Variants in PGLYRP3 observed in about 807,000 individuals in gnomAD.
PGLYRP3 encodes the protein peptidoglycan recognition protein I alpha.
In PGLYRP3, 39 loss-of-function variants were observed where a neutral mutation model predicts 36.0. That is an observed-to-expected ratio of 1.08 (90% CI 0.84 to 1.41). The LOEUF (loss-of-function observed/expected upper bound fraction) is 1.41. Among genes scored for constraint, PGLYRP3 ranks in the 40% most tolerant of loss-of-function variants. The probability of loss-of-function intolerance (pLI) is 0.00; values close to 1 mark genes in which losing one functional copy is unlikely to be tolerated. For missense variants in PGLYRP3, 407 were observed against 427.9 expected (o/e 0.95, Z 0.43); for synonymous variants, 204 against 172.8 (o/e 1.18, Z -1.42).
chr1:153,304,852 G>A lies in PGLYRP3; in HGVS notation c.376+95C>T, dbSNP rs549025203. ...GGTGATCATCAGAGAAGGTAAGTAT[G>A]ATGTAGGGTAAAAAGATGAGTGTTG... On this transcript the variant is annotated intron_variant, in intron 4 of 7. Transcript: ENST00000683862. 3 of 879,288 alleles carry A rather than the reference G, an allele frequency of 3.4e-6. No individual in the cohort carries two copies. The South Asian group carries it at 5.5e-5, about 16-fold the overall frequency. The allele number at this position is 879,288 out of a possible 1,614,324, so 54.5% of individuals were successfully genotyped here.
chr1:153,298,961 G>C, intron 7 of PGLYRP3, 152 bp downstream of exon 7: 1 of 646,884 alleles, frequency 1.5e-6, no homozygotes. Context: ...AGGGGATCCT[G>C]GTGACATCCT....
rs1483448149 is a variant in PGLYRP3 at position 153,312,766 on chromosome 1, C to T, written c.-165G>A. The stretch of plus-strand genomic sequence containing the variant: ...ACCTGCCCTTCTTCTCCAGCTGGTG[C>T]CTCCTCAGGCCTTCACTCCCCCTGG... On this transcript the variant is annotated 5_prime_UTR_variant, in exon 1 of 8. Coordinates refer to ENST00000683862, the MANE Select transcript of PGLYRP3 (RefSeq NM_052891.3). Among the ~76,000 whole-genome samples the T allele has an allele frequency of 6.6e-6, 1 of 152,182 alleles. No individual in the cohort carries two copies. The highest frequency in any genetic ancestry group is 1.5e-5 in the Non-Finnish European group (1 of 68,024).
rs1490629098 is a variant in PGLYRP3 at position 153,303,894 on chromosome 1, G to A, written c.492C>T (p.Thr164=). Residue 164 remains threonine (T), a synonymous_variant, in exon 5 of 8, where the codon ACC becomes ACT. Transcript: ENST00000683862. ...YIQPLLLKEE[T]CLDPQHPVMP... is the part of the protein sequence containing the mutation. Reference sequence around the variant, plus strand: ...TCACTGGATGTTGAGGGTCCAGGCAGGTCTCTTCTTTCAGAAGAAGTGGCT... The same window carrying A: ...TCACTGGATGTTGAGGGTCCAGGCAAGTCTCTTCTTTCAGAAGAAGTGGCT... 1.1e-5 allele frequency: 18 copies of A among 1,613,772 alleles called. No homozygotes were observed. Among genetic ancestry groups the A allele is most frequent in the Non-Finnish European group, 1.4e-5 (16 of 1,179,962 alleles).
At chr1:153,301,575 C>G (rs538852633) in intron 6 of PGLYRP3, among the ~76,000 whole-genome samples, 2 of 152,316 alleles carry the variant, frequency 1.3e-5, no homozygotes, top group African/African-American at 4.8e-5. Context: ...CCATAGAAAG[C>G]CTATGGAAAA....
In PGLYRP3 at chr1:153,297,739, G is replaced by T. The variant is rs1035501822; in HGVS notation, c.*217C>A. On this transcript the variant is annotated 3_prime_UTR_variant, in exon 8 of 8. Coordinates refer to ENST00000683862, the MANE Select transcript of PGLYRP3 (RefSeq NM_052891.3). The stretch of plus-strand genomic sequence containing the variant: ...AGGGGAGAGGTAGGTAAAAGAGAGG[G>T]GAAGTCTAAACTCAGACCAAGAGGG... The T allele has an allele frequency of 2.8e-5, 14 of 495,460 alleles. 1 individual carries two copies. The highest frequency in any genetic ancestry group is 5.0e-5 in the Non-Finnish European group (14 of 280,290). 30.7% of individuals were successfully genotyped at this position (495,460 alleles called of 1,614,324 possible).
At chr1:153,304,917 A>G (rs909953922) in intron 4 of PGLYRP3, 30 bp downstream of exon 4, 19 of 1,567,682 alleles carry the variant, frequency 1.2e-5, no homozygotes, top group Non-Finnish European at 1.6e-5. Flanking sequence ...ACAACTCTCC[A>G]GCACAGGGTC....
chr1:153,302,829 T>C (rs1659632727), intron 5 of PGLYRP3, among the ~76,000 whole-genome samples: 1 of 152,192 alleles, frequency 6.6e-6, no homozygotes, highest in Non-Finnish European at 1.5e-5. Context: ...TCTACAGGCC[T>C]GATACCAATA....
intron 5 of PGLYRP3, among the ~76,000 whole-genome samples, chr1:153,302,942 C>A (rs147738428): frequency 5.2e-4 from 79 of 152,304 alleles, no homozygotes; most frequent in African/African-American, 1.8e-3. Context: ...CAGGTATGTG[C>A]GCTTATGTAA....
At chr1:153,302,306 C>A in intron 6 of PGLYRP3, 103 bp downstream of exon 6, 1 of 1,311,628 alleles carries the variant, frequency 7.6e-7, no homozygotes, top group South Asian at 1.4e-5. Flanking sequence ...TGGAAACCAC[C>A]CAGCCCAAAG....
At chr1:153,301,030 C>T (rs1296026686) in intron 6 of PGLYRP3, among the ~76,000 whole-genome samples, 1 of 152,210 alleles carries the variant, frequency 6.6e-6, no homozygotes, top group Non-Finnish European at 1.5e-5. Context: ...TCCTCCGTTT[C>T]AGCCTTCCAA....
chr1:153,304,082 A>T, intron 4 of PGLYRP3, 73 bp from the exon 5 acceptor site: 1 of 1,408,628 alleles, frequency 7.1e-7, no homozygotes, highest in Non-Finnish European at 9.8e-7. Context: ...TGCAGAAAGG[A>T]TGATATGACC....
At chr1:153,305,588 C>A (rs1659720594) in intron 3 of PGLYRP3, among the ~76,000 whole-genome samples, 1 of 152,176 alleles carries the variant, frequency 6.6e-6, no homozygotes, top group Non-Finnish European at 1.5e-5. Flanking sequence ...TATTCTACTT[C>A]TTTTATTCCT....
At chr1:153,311,560 A>G (rs1571110724) in intron 1 of PGLYRP3, among the ~76,000 whole-genome samples, 1 of 152,176 alleles carries the variant, frequency 6.6e-6, no homozygotes, top group Admixed American at 6.5e-5. Context: ...TAGGATCACT[A>G]TAGTCTTTTC....
chr1:153,305,118 C>G, intron 3 of PGLYRP3, 53 bp from the exon 4 acceptor site: 1 of 1,438,082 alleles, frequency 7.0e-7, no homozygotes, highest in South Asian at 1.2e-5. Context: ...ATGAAAACCT[C>G]TCACTGATCC....
intron 7 of PGLYRP3, 84 bp from the exon 8 acceptor site, chr1:153,298,218 C>G: frequency 6.9e-7 from 1 of 1,459,736 alleles, no homozygotes; most frequent in Non-Finnish European, 9.4e-7. Context: ...ATTCCAGTTT[C>G]TTTCTTCCTC....
At position 153,310,602 on chromosome 1, in the gene PGLYRP3, A is replaced by G. The variant is rs41264634; in HGVS notation, c.55+9T>C. The G allele has an allele frequency of 3.2e-3, 5,091 of 1,613,910 alleles. 17 individuals are homozygous for G. Among genetic ancestry groups the G allele is most frequent in the Non-Finnish European group, 4.0e-3 (4,674 of 1,179,796 alleles). ...AAAAGCACTTCTGATGCAAGTAAAT[A>G]AAACTTACCCCAAGCCTGGAGACCC... On this transcript the variant is annotated intron_variant, in intron 2 of 7. Coordinates refer to ENST00000683862, the MANE Select transcript of PGLYRP3 (RefSeq NM_052891.3).
At chr1:153,299,478 T>A (rs547228738) in intron 6 of PGLYRP3, among the ~76,000 whole-genome samples, 13 of 152,298 alleles carry the variant, frequency 8.5e-5, no homozygotes, top group Non-Finnish European at 1.3e-4. Flanking sequence ...AGCAGTGGCT[T>A]CCTGGCACTA....
intron 6 of PGLYRP3, among the ~76,000 whole-genome samples, chr1:153,300,358 T>C (rs983512243): frequency 6.6e-6 from 1 of 152,190 alleles, no homozygotes; most frequent in Non-Finnish European, 1.5e-5. Flanking sequence ...GATTAGAGAC[T>C]CATCATATAC....
In PGLYRP3 at chr1:153,310,645, A is replaced by G. The variant is rs2101528319; in HGVS notation, c.21T>C (p.Leu7=). Reference sequence around the variant, plus strand: ...GGAGACCCAGAATGAAGAAGGCAAGAAGCCATGGCAGCGTCCCCATGTGGT... The same window carrying G: ...GGAGACCCAGAATGAAGAAGGCAAGGAGCCATGGCAGCGTCCCCATGTGGT... MGTLPW[L]LAFFILGLQA... The change falls in exon 2 of 8, where the codon CTT becomes CTC. Residue 7 remains leucine, a synonymous_variant. Coordinates refer to ENST00000683862, the MANE Select transcript of PGLYRP3 (RefSeq NM_052891.3). The G allele has an allele frequency of 6.2e-7, 1 of 1,614,140 alleles. No homozygotes were observed. The highest frequency in any genetic ancestry group is 1.1e-5 in the South Asian group (1 of 91,090).
Sources: allele counts gnomAD v4.1 joint callset (sites outside exome capture counted in the v4.1 genomes callset), GRCh38; gene constraint gnomAD v4.1.1; transcripts MANE v1.5; gene names NCBI Gene and HGNC (gene_info 2026-07-23, HGNC 2026-07-21).